PNPT1: variants seen among roughly 807,000 people sequenced by gnomAD.
PNPT1 encodes polyribonucleotide nucleotidyltransferase 1.
In PNPT1, 53 loss-of-function variants were observed where a neutral mutation model predicts 119.5. The ratio of observed to expected loss-of-function variants is 0.44; its 90% CI spans 0.36 to 0.56. The LOEUF (loss-of-function observed/expected upper bound fraction) is 0.56. Ranked by LOEUF, PNPT1 falls within the 20% of genes least tolerant of loss-of-function variation. The probability of loss-of-function intolerance (pLI) is 0.00; values close to 1 mark genes in which losing one functional copy is unlikely to be tolerated. For missense variants in PNPT1, 948 were observed against 938.5 expected (o/e 1.01, Z -0.13); for synonymous variants, 357 against 322.1 (o/e 1.11, Z -1.16).
At chr2:55,636,562 G>A (rs1278016684) in intron 27 of PNPT1, among the ~76,000 whole-genome samples, 170 bp from the exon 28 acceptor site, 2 of 152,186 alleles carry the variant, frequency 1.3e-5, no homozygotes, top group African/African-American at 4.8e-5. Flanking sequence ...CATATAAGTA[G>A]TCATTATAAA....
chr2:55,683,671 G>T (rs997107764), intron 5 of PNPT1, 114 bp downstream of exon 5: 2 of 790,742 alleles, frequency 2.5e-6, no homozygotes, highest in African/African-American at 1.8e-5. Flanking sequence ...AAATATAACA[G>T]TATCATAAAA....
intron 5 of PNPT1, 101 bp from the exon 6 acceptor site, chr2:55,681,019 T>C (rs1697229797): frequency 3.4e-6 from 3 of 871,660 alleles, no homozygotes; most frequent in African/African-American, 3.4e-5. Context: ...AGGGGCTTTG[T>C]AGCCAAACCT....
chr2:55,680,677 C>T (rs778578289), intron 7 of PNPT1, 35 bp downstream of exon 7: 3 of 1,572,720 alleles, frequency 1.9e-6, no homozygotes, highest in Non-Finnish European at 2.6e-6. Context: ...AAAAAAAATA[C>T]ACATATGATT....
In PNPT1 at chr2:55,683,853, A is replaced by C. The variant is rs771569981; in HGVS notation, c.404-19T>G. 4 of 1,612,248 alleles carry C rather than the reference A, an allele frequency of 2.5e-6. No individual in the cohort carries two copies. The highest frequency in any genetic ancestry group is 3.3e-5 in the Admixed American group (2 of 59,976). On this transcript the variant is annotated intron_variant, in intron 4 of 27. Transcript: ENST00000447944. ...GAACGATCTGCCAAAAGAAAAAAAAACACATTAAACCGTACTGACAGAGTT... is the reference window on the plus strand; with the variant it reads ...GAACGATCTGCCAAAAGAAAAAAAACCACATTAAACCGTACTGACAGAGTT...
chr2:55,676,558 T>C (rs1697078854), intron 8 of PNPT1, among the ~76,000 whole-genome samples: 1 of 151,776 alleles, frequency 6.6e-6, no homozygotes, highest in Non-Finnish European at 1.5e-5. Flanking sequence ...TGTAAGATTA[T>C]ACTCTAAAGA....
intron 5 of PNPT1, among the ~76,000 whole-genome samples, chr2:55,681,716 A>T (rs1390536002): frequency 2.0e-5 from 3 of 151,568 alleles, no homozygotes; most frequent in Non-Finnish European, 2.9e-5. Context: ...GTGGTAGTGC[A>T]CGCCTATAAT....
At chr2:55,656,269 A>G in intron 16 of PNPT1, 36 bp downstream of exon 16, 1 of 1,611,814 alleles carries the variant, frequency 6.2e-7, no homozygotes. Flanking sequence ...AAGTCTCTGT[A>G]AGAATACCGT....
At chr2:55,659,095 T>A (rs552344888) in intron 15 of PNPT1, among the ~76,000 whole-genome samples, 2 of 151,960 alleles carry the variant, frequency 1.3e-5, no homozygotes, top group Non-Finnish European at 2.9e-5. Flanking sequence ...GCTGGGACTA[T>A]AGGCACATGC....
rs1243678002 is a variant in PNPT1, at chr2:55,656,120, C to A, written c.1441+11G>T. The stretch of plus-strand genomic sequence containing the variant: ...CTTTTCTACTATGAAAGAAGTATTT[C>A]AATACCATACCATTTGACTCTAGGA... On this transcript the variant is annotated intron_variant, in intron 17 of 27. Coordinates refer to ENST00000447944, the MANE Select transcript of PNPT1 (RefSeq NM_033109.5). The A allele has an allele frequency of 1.2e-6, 2 of 1,608,024 alleles. No individual in the cohort carries two copies. The highest frequency in any genetic ancestry group is 1.7e-6 in the Non-Finnish European group (2 of 1,178,010).
chr2:55,672,151 T>C (rs1696936534), intron 9 of PNPT1, 105 bp from the exon 10 acceptor site: 1 of 793,800 alleles, frequency 1.3e-6, no homozygotes, highest in Admixed American at 2.7e-5. Context: ...GCTAAAACTT[T>C]AATAAATACT....
chr2:55,662,199 CTA>C (rs1696600557), intron 13 of PNPT1, among the ~76,000 whole-genome samples, 173 bp from the exon 14 acceptor site: 1 of 152,158 alleles, frequency 6.6e-6, no homozygotes, highest in Admixed American at 6.5e-5. Context: ...AATATTCATA[CTA>C]TGTGTAAACC....
At position 55,669,243 on chromosome 2, in the gene PNPT1, G is replaced by A. The variant is rs1696832078; in HGVS notation, c.977-1285C>T. Among the ~76,000 whole-genome samples the A allele has an allele frequency of 2.0e-5, 3 of 152,164 alleles. 1 individual carries two copies. The South Asian group carries it at 6.2e-4, about 32-fold the overall frequency. Reference sequence around the variant, plus strand: ...GCCTGAGACCACACAGGTAGTAACTGATACAGCTGTGACCTGAATAAAGAT... The same window carrying A: ...GCCTGAGACCACACAGGTAGTAACTAATACAGCTGTGACCTGAATAAAGAT... On this transcript the variant is annotated intron_variant, in intron 11 of 27. Coordinates refer to ENST00000447944, the MANE Select transcript of PNPT1 (RefSeq NM_033109.5).
intron 4 of PNPT1, among the ~76,000 whole-genome samples, chr2:55,684,560 AGTAGCTGATGAACATAATGTTTAG>A (rs1205112174): frequency 2.0e-5 from 3 of 152,274 alleles, no homozygotes; most frequent in African/African-American, 7.2e-5. Context: ...GACATATTTC[AGTAGCTGATGAACATAATGTTTAG>A]GAATTACTAT....
chr2:55,683,612 CAA>C (rs397943177), intron 5 of PNPT1, among the ~76,000 whole-genome samples, 171 bp downstream of exon 5: 10 of 74,150 alleles, frequency 1.3e-4, no homozygotes, highest in Non-Finnish European at 1.6e-4. Context: ...GACTCTGTCT[CAA>C]AAAAAAAAAA....
At chr2:55,693,340 C>G (rs1184291976) in intron 1 of PNPT1, among the ~76,000 whole-genome samples, 1 of 152,132 alleles carries the variant, frequency 6.6e-6, no homozygotes, top group Non-Finnish European at 1.5e-5. Flanking sequence ...CCCACGTCAA[C>G]TCGTTATTCC....
chr2:55,660,113 T>A (rs1304377074), intron 15 of PNPT1, 44 bp downstream of exon 15: 1 of 1,516,160 alleles, frequency 6.6e-7, no homozygotes, highest in Non-Finnish European at 8.9e-7. Context: ...CACAAAAATT[T>A]ATTAATTTAT....
At chr2:55,649,082 C>T (rs942025990) in intron 18 of PNPT1, among the ~76,000 whole-genome samples, 2 of 152,120 alleles carry the variant, frequency 1.3e-5, no homozygotes, top group African/African-American at 4.8e-5. Flanking sequence ...AACCCTGGAC[C>T]TGTATTAGTA....
In PNPT1 at chr2:55,679,756, A is replaced by C. The variant is rs1233343517; in HGVS notation, c.605T>G (p.Val202Gly). The change falls in exon 8 of 28, where the codon GTT (valine) becomes GGT (glycine). Residue 202 changes from valine to glycine, a missense_variant. Coordinates refer to ENST00000447944, the MANE Select transcript of PNPT1 (RefSeq NM_033109.5). ...RIGIIDGEYV[V>G]NPTRKEMSSS... ...AGACATTTCTTTTCTTGTTGGGTTA[A>C]CAACATATTCTCCATCAATTATTCC... 6.2e-7 allele frequency: 1 copy of C among 1,611,536 alleles called. No individual in the cohort carries two copies. Among genetic ancestry groups the C allele is most frequent in the South Asian group, 1.1e-5 (1 of 90,632 alleles).
chr2:55,640,146 T>C (rs1017591784), intron 26 of PNPT1, among the ~76,000 whole-genome samples: 1 of 152,174 alleles, frequency 6.6e-6, no homozygotes, highest in Admixed American at 6.6e-5. Context: ...TTTTAATATA[T>C]GGTAAAACAG....
Sources: allele counts gnomAD v4.1 joint callset (sites outside exome capture counted in the v4.1 genomes callset), GRCh38; gene constraint gnomAD v4.1.1; transcripts MANE v1.5; gene names NCBI Gene and HGNC (gene_info 2026-07-23, HGNC 2026-07-21).